ZNF618: variants seen among roughly 807,000 people sequenced by gnomAD.
ZNF618 encodes zinc finger protein 618.
In ZNF618, 34 loss-of-function variants were observed where a neutral mutation model predicts 103.0. The observed-to-expected ratio is 0.33, with a 90% CI of 0.25 to 0.44. ZNF618 has a LOEUF of 0.44. Ranked by LOEUF, ZNF618 falls within the 20% of genes least tolerant of loss-of-function variation. ZNF618 has a pLI of 1.00. For synonymous variants in ZNF618, 551 were observed against 542.2 expected, an observed-to-expected ratio of 1.02 and a Z score of -0.23; for missense variants, 1,059 against 1,295.4, an observed-to-expected ratio of 0.82 and a Z score of 2.80.
At chr9:113,967,976 G>A (rs1007523120) in intron 1 of ZNF618, among the ~76,000 whole-genome samples, 20 of 151,980 alleles carry the variant, frequency 1.3e-4, no homozygotes, top group Non-Finnish European at 1.0e-4. Flanking sequence ...TGTTTGAATC[G>A]AAGTCCGCCA....
chr9:113,915,802 G>A (rs764912770), intron 1 of ZNF618, among the ~76,000 whole-genome samples: 5 of 152,114 alleles, frequency 3.3e-5, no homozygotes, highest in Non-Finnish European at 5.9e-5. Flanking sequence ...TCTTGTGGAC[G>A]ACCCTGTAAA....
At chr9:113,918,428 A>G (rs1181876604) in intron 1 of ZNF618, among the ~76,000 whole-genome samples, 1 of 152,196 alleles carries the variant, frequency 6.6e-6, no homozygotes, top group Non-Finnish European at 1.5e-5. Flanking sequence ...CTATCCACTA[A>G]TTTTAGCATC....
chr9:113,984,787 G>A (rs1255368099), intron 2 of ZNF618, among the ~76,000 whole-genome samples: 1 of 152,188 alleles, frequency 6.6e-6, no homozygotes, highest in Non-Finnish European at 1.5e-5. Flanking sequence ...TAGGAAATGG[G>A]AATGTCAGCT....
intron 6 of ZNF618, among the ~76,000 whole-genome samples, chr9:114,006,594 A>G (rs1270768216): frequency 6.6e-6 from 1 of 152,204 alleles, no homozygotes; most frequent in Non-Finnish European, 1.5e-5. Context: ...TGTGTAACAG[A>G]TGTCCCTAAA....
At chr9:114,024,276 T>C (rs1298638661) in intron 10 of ZNF618, among the ~76,000 whole-genome samples, 1 of 152,180 alleles carries the variant, frequency 6.6e-6, no homozygotes, top group Admixed American at 6.5e-5. Context: ...TAAGTTTCAT[T>C]TGGTTTCTTT....
chr9:114,014,264 G>A (rs1842483741), intron 9 of ZNF618, among the ~76,000 whole-genome samples: 1 of 152,196 alleles, frequency 6.6e-6, no homozygotes, highest in Non-Finnish European at 1.5e-5. Flanking sequence ...AAGCTTGTGA[G>A]GTTGATTTAA....
chr9:114,019,055 T>C (rs929003911), intron 10 of ZNF618, among the ~76,000 whole-genome samples: 3 of 152,222 alleles, frequency 2.0e-5, no homozygotes, highest in Admixed American at 6.5e-5. Context: ...CATAAGGACA[T>C]AGACTGACTG....
At chr9:114,047,430 A>G (rs1845742640) in intron 13 of ZNF618, among the ~76,000 whole-genome samples, 1 of 152,224 alleles carries the variant, frequency 6.6e-6, no homozygotes, top group South Asian at 2.1e-4. Context: ...TAGTAAATAT[A>G]CTTAAAAAAT....
intron 1 of ZNF618, among the ~76,000 whole-genome samples, chr9:113,953,552 T>G (rs1221361035): frequency 6.6e-6 from 1 of 152,238 alleles, no homozygotes; most frequent in Admixed American, 6.5e-5. Flanking sequence ...ATAGAGAGTT[T>G]GATTCTGTTC....
chr9:114,020,907 T>C (rs996975959), intron 10 of ZNF618, among the ~76,000 whole-genome samples: 2 of 152,074 alleles, frequency 1.3e-5, no homozygotes, highest in Non-Finnish European at 2.9e-5. Context: ...TGTTAAGCAT[T>C]GTGTTAGCTA....
intron 1 of ZNF618, among the ~76,000 whole-genome samples, chr9:113,912,328 A>G (rs35189176): frequency 0.44 from 67,301 of 151,972 alleles, 15,505 homozygotes; most frequent in Non-Finnish European, 0.51. Context: ...TTAGGATGGG[A>G]TTAGGATGGG....
chr9:113,879,076 G>A (rs1186131919), intron 1 of ZNF618, among the ~76,000 whole-genome samples: 1 of 151,348 alleles, frequency 6.6e-6, no homozygotes, highest in Non-Finnish European at 1.5e-5. Flanking sequence ...TGAGTAGGAC[G>A]GTCAAGGAAT....
chr9:114,017,950 C>T (rs1348292260), intron 10 of ZNF618, among the ~76,000 whole-genome samples: 2 of 152,158 alleles, frequency 1.3e-5, no homozygotes, highest in African/African-American at 4.8e-5. Context: ...GAACTCCAGT[C>T]CTGAGGTCGA....
intron 2 of ZNF618, among the ~76,000 whole-genome samples, chr9:113,976,038 G>A (rs1838436586): frequency 6.6e-6 from 1 of 152,192 alleles, no homozygotes; most frequent in African/African-American, 2.4e-5. Context: ...TGCTTAATTA[G>A]TTACCATTTA....
intron 2 of ZNF618, among the ~76,000 whole-genome samples, chr9:113,982,277 A>T (rs1839047708): frequency 6.6e-6 from 1 of 152,150 alleles, no homozygotes. Flanking sequence ...GAAGTCTGAA[A>T]TGAAGGTGTT....
chr9:114,002,578 T>C lies in ZNF618; in HGVS notation c.512-46T>C, dbSNP rs773463726. Reference sequence around the variant, plus strand: ...TTTGCACTTGGCACTGGCCCTGTCATTGGCCCGGTAGCCCCACCCCCATCC... The same window carrying C: ...TTTGCACTTGGCACTGGCCCTGTCACTGGCCCGGTAGCCCCACCCCCATCC... On this transcript the variant is annotated intron_variant, in intron 5 of 14. Transcript: ENST00000374126. 22 of 1,597,498 alleles carry C rather than the reference T, an allele frequency of 1.4e-5. 1 individual carries two copies. The Middle Eastern group carries it at 1.3e-3, about 96-fold the overall frequency.
intron 1 of ZNF618, among the ~76,000 whole-genome samples, chr9:113,911,203 C>T (rs1831514239): frequency 6.6e-6 from 1 of 152,132 alleles, no homozygotes; most frequent in Non-Finnish European, 1.5e-5. Context: ...TTTGTTATAA[C>T]AAATAGCAAG....
chr9:113,971,317 GA>G (rs1195829214), intron 2 of ZNF618, among the ~76,000 whole-genome samples: 3 of 152,092 alleles, frequency 2.0e-5, no homozygotes, highest in African/African-American at 7.2e-5. Context: ...GGCGTATAAT[GA>G]GTCAGTGGCT....
At chr9:113,996,641 C>A (rs1376048140) in intron 3 of ZNF618, among the ~76,000 whole-genome samples, 1 of 152,158 alleles carries the variant, frequency 6.6e-6, no homozygotes, top group Non-Finnish European at 1.5e-5. Flanking sequence ...GGGATGGCGA[C>A]TGTTGCATCA....
Sources: gnomAD v4.1 joint callset for allele counts (sites outside exome capture counted in the v4.1 genomes callset) on GRCh38, gnomAD v4.1.1 for gene constraint, MANE v1.5 for transcripts, NCBI Gene and HGNC (gene_info 2026-07-23, HGNC 2026-07-21) for gene names.